SYT12: variants seen among roughly 807,000 people sequenced by gnomAD.
SYT12 encodes the protein synaptotagmin-12.
In SYT12, 27 loss-of-function variants were observed where a neutral mutation model predicts 39.5. The observed-to-expected ratio is 0.68, with a 90% confidence interval of 0.50 to 0.94. The LOEUF is 0.94. Among genes scored for constraint, SYT12 ranks in the 40% least tolerant of loss-of-function variants. The pLI, the probability that SYT12 is intolerant of heterozygous loss-of-function variation, is 0.00. For synonymous variants in SYT12, 233 were observed against 239.7 expected (o/e 0.97, Z 0.26); for missense variants, 536 against 572.6 (o/e 0.94, Z 0.65).
At chr11:67,011,624 A>G (rs1185319310) in intron 3 of SYT12, among the ~76,000 whole-genome samples, 4 of 152,216 alleles carry the variant, frequency 2.6e-5, no homozygotes, top group Non-Finnish European at 5.9e-5. Context: ...GGTCTGAGGC[A>G]GTAGGCTATG....
chr11:67,041,782 C>T (rs1950517201), intron 4 of SYT12, among the ~76,000 whole-genome samples: 1 of 152,236 alleles, frequency 6.6e-6, no homozygotes, highest in Non-Finnish European at 1.5e-5. Context: ...CTTCTGGTGA[C>T]CTCCACTGGC....
chr11:67,035,837 C>CCTTCCTTTCTTT (rs1412426648), intron 3 of SYT12, among the ~76,000 whole-genome samples: 9 of 111,144 alleles, frequency 8.1e-5, no homozygotes, highest in African/African-American at 3.0e-4. Flanking sequence ...TTCCTTCCTT[C>CCTTCCTTTCTTT]CTTTCTTTCT....
intron 3 of SYT12, among the ~76,000 whole-genome samples, chr11:67,013,639 C>T (rs765540894): frequency 6.6e-5 from 10 of 152,304 alleles, no homozygotes; most frequent in Admixed American, 3.9e-4. Flanking sequence ...ATGGATCCTC[C>T]CCTGTCTGTG....
Position 67,048,587 on chromosome 11 carries a change from C to G in SYT12, c.1096C>G (p.Leu366Val), listed in dbSNP as rs1332229196. The change falls in exon 8 of 8, where the codon CTG (leucine) becomes GTG (valine). Residue 366 changes from leucine to valine, a missense_variant. Leu to Val is a conservative substitution (Grantham distance 32). Coordinates refer to ENST00000527043, the MANE Select transcript of SYT12 (RefSeq NM_177963.4). Reference sequence around the variant, plus strand: ...ACCCATGTTGCCTCTTCCTCAGGACCTGTCTCTCCGCGTGACGGTGGCTGA... The same window carrying G: ...ACCCATGTTGCCTCTTCCTCAGGACGTGTCTCTCCGCGTGACGGTGGCTGA... ...FSVPAIVLQDLSLRVTVAESS... is the reference protein window; with the variant it reads ...FSVPAIVLQDVSLRVTVAESS... The G allele has an allele frequency of 6.3e-7, 1 of 1,596,678 alleles. No individual in the cohort carries two copies. The highest frequency in any genetic ancestry group is 8.6e-7 in the Non-Finnish European group (1 of 1,165,938).
intron 3 of SYT12, among the ~76,000 whole-genome samples, chr11:67,015,970 A>C (rs1950055197): frequency 6.6e-6 from 1 of 152,122 alleles, no homozygotes; most frequent in South Asian, 2.1e-4. Flanking sequence ...TGCTAGAGAA[A>C]AATATCATAC....
Position 67,040,043 on chromosome 11 carries a change from G to A in SYT12, c.461G>A (p.Gly154Asp). The change falls in exon 4 of 8, where the codon GGC becomes GAC. Residue 154 changes from glycine (G) to aspartate (D), a missense_variant. Coordinates refer to ENST00000527043, the MANE Select transcript of SYT12 (RefSeq NM_177963.4). ...ACCTTTGGGCAGGACTTCACACTGG[G>A]CCAGGTGGAGGTGAGCATGGAGTAC... ...SNTFGQDFTL[G>D]QVEVSMEYDT... 1.2e-6 allele frequency: 2 copies of A among 1,613,962 alleles called. No homozygotes were observed. Among genetic ancestry groups the A allele is most frequent in the Non-Finnish European group, 1.7e-6 (2 of 1,180,026 alleles).
intron 3 of SYT12, among the ~76,000 whole-genome samples, chr11:67,035,068 G>A (rs1398822736): frequency 6.9e-6 from 1 of 143,994 alleles, no homozygotes; most frequent in Non-Finnish European, 1.5e-5. Flanking sequence ...GGAGTGCAAT[G>A]GCATGATCTG....
chr11:67,048,519 C>A, intron 7 of SYT12, 65 bp from the exon 8 acceptor site: 1 of 1,544,410 alleles, frequency 6.5e-7, no homozygotes, highest in Non-Finnish European at 8.8e-7. Flanking sequence ...TAACCTTGAA[C>A]CCAGAGGCCA....
chr11:67,007,888 A>G (rs1411473610), intron 1 of SYT12, among the ~76,000 whole-genome samples: 1 of 151,522 alleles, frequency 6.6e-6, no homozygotes, highest in Non-Finnish European at 1.5e-5. Context: ...GTGGATTTGG[A>G]AAGAGGGTTT....
intron 1 of SYT12, among the ~76,000 whole-genome samples, chr11:67,008,009 A>G (rs1949984836): frequency 6.7e-6 from 1 of 148,770 alleles, no homozygotes; most frequent in African/African-American, 2.5e-5. Flanking sequence ...GCTGGAGTGC[A>G]ATGGCCTGAT....
At position 67,040,176 on chromosome 11, in the gene SYT12, G is replaced by A. The variant is rs762972720; in HGVS notation, c.594G>A (p.Pro198=). ...ESCFMRVSLL[P]DEQIVGISRI... ...GCTTCATGCGCGTCAGCCTGCTGCCGGACGAGCAGATCGTGGGCATTTCTC... is the reference window on the plus strand; with the variant it reads ...GCTTCATGCGCGTCAGCCTGCTGCCAGACGAGCAGATCGTGGGCATTTCTC... Residue 198 remains proline (P), a synonymous_variant, in exon 4 of 8, where the codon CCG becomes CCA. Coordinates refer to ENST00000527043, the MANE Select transcript of SYT12 (RefSeq NM_177963.4). The A allele has an allele frequency of 2.1e-5, 33 of 1,587,302 alleles. No individual in the cohort carries two copies. The Admixed American group carries it at 2.7e-4, about 13-fold the overall frequency.
chr11:67,007,659 G>C (rs910191192), intron 1 of SYT12, among the ~76,000 whole-genome samples: 9 of 152,132 alleles, frequency 5.9e-5, no homozygotes, highest in Non-Finnish European at 1.2e-4. Context: ...CCGCCTCCCG[G>C]GTTCAAGCGA....
At chr11:67,037,549 AAAATAAATAAATAAAT>A (rs34631289) in intron 3 of SYT12, among the ~76,000 whole-genome samples, 4 of 145,774 alleles carry the variant, frequency 2.7e-5, no homozygotes, top group Non-Finnish European at 4.5e-5. Flanking sequence ...CATCTCTACC[AAAATAAATAAATAAAT>A]AAATAAATAA....
intron 3 of SYT12, among the ~76,000 whole-genome samples, chr11:67,038,120 C>A (rs1476839072): frequency 6.6e-6 from 1 of 151,266 alleles, no homozygotes. Flanking sequence ...TCTCAAATCC[C>A]AAGGTCAATT....
At chr11:67,023,104 G>A (rs1950130473), upstream of SYT12, among the ~76,000 whole-genome samples, 1 of 152,194 alleles carries the variant, frequency 6.6e-6, no homozygotes, top group African/African-American at 2.4e-5. Context: ...TTGGCCTCAG[G>A]GCGTCCCTGG....
At chr11:67,011,053 T>C (rs934519514) in intron 3 of SYT12, 1 of 152,138 alleles carries the variant, frequency 6.6e-6, no homozygotes, top group African/African-American at 2.4e-5. Flanking sequence ...GACAACGTAT[T>C]TGTGCACGGT....
chr11:67,027,899 C>T (rs1207968630), intron 1 of SYT12: 6 of 152,178 alleles, frequency 3.9e-5, no homozygotes, highest in African/African-American at 9.7e-5. Context: ...CTGGGAGGTG[C>T]GTGTGTGTAC....
chr11:67,014,643 C>G (rs1281940203), intron 3 of SYT12, among the ~76,000 whole-genome samples: 2 of 152,100 alleles, frequency 1.3e-5, no homozygotes, highest in African/African-American at 4.8e-5. Context: ...TGAGGGATCA[C>G]AGTGGAGGTA....
intron 3 of SYT12, among the ~76,000 whole-genome samples, chr11:67,038,356 G>A (rs1208863609): frequency 6.6e-6 from 1 of 151,658 alleles, no homozygotes; most frequent in Non-Finnish European, 1.5e-5. Context: ...TAGTAGAGAC[G>A]GTTTCACCAT....
Sources: allele counts gnomAD v4.1 joint callset (sites outside exome capture counted in the v4.1 genomes callset), GRCh38; gene constraint gnomAD v4.1.1; transcripts MANE v1.5; gene names NCBI Gene and HGNC (gene_info 2026-07-23, HGNC 2026-07-21).